Variants in PTPRN2 observed in about 807,000 individuals in gnomAD.
PTPRN2 encodes the protein protein tyrosine phosphatase receptor type N2, also known as receptor-type tyrosine-protein phosphatase N2.
A neutral mutation model predicts 118.8 loss-of-function variants in PTPRN2; 74 were observed. The ratio of observed to expected loss-of-function variants is 0.62; its 90% CI spans 0.52 to 0.76. The LOEUF (loss-of-function observed/expected upper bound fraction) is 0.76. PTPRN2 is among the 30% of genes least tolerant of loss of function. The pLI, the probability that PTPRN2 is intolerant of heterozygous loss-of-function variation, is 0.00. For missense variants in PTPRN2, 1,481 were observed against 1,394.4 expected, an observed-to-expected ratio of 1.06 and a Z score of -0.99; for synonymous variants, 641 against 608.0, an observed-to-expected ratio of 1.05 and a Z score of -0.80.
Position 158,128,798 on chromosome 7 carries a change from G to A in PTPRN2, c.1556+4879C>T, listed in dbSNP as rs369474315. Among the ~76,000 whole-genome samples, 158 of 152,178 alleles carry A rather than the reference G, an allele frequency of 1.0e-3. No homozygotes were observed. In the South Asian group the frequency reaches 0.012, roughly 12 times the overall value. On this transcript the variant is annotated intron_variant, in intron 9 of 22. Coordinates refer to ENST00000389418, the MANE Select transcript of PTPRN2 (RefSeq NM_002847.5). ...GTTCTCTGGGGCACTCTCCTACCCC[G>A]GGGCAGGGATGGGCGGCCGTCCCCC...
At chr7:158,032,490 G>T (rs1807759303) in intron 11 of PTPRN2, among the ~76,000 whole-genome samples, 1 of 152,094 alleles carries the variant, frequency 6.6e-6, no homozygotes, top group Non-Finnish European at 1.5e-5. Context: ...GCAGTGAGTG[G>T]CTCCTCCGCC....
chr7:158,036,524 C>A (rs1808100407), intron 11 of PTPRN2, among the ~76,000 whole-genome samples: 1 of 152,054 alleles, frequency 6.6e-6, no homozygotes, highest in African/African-American at 2.4e-5. Flanking sequence ...AAGGGAATTC[C>A]ATTTCTCAAA....
At chr7:157,892,112 G>T (rs551838395) in intron 12 of PTPRN2, among the ~76,000 whole-genome samples, 1 of 151,256 alleles carries the variant, frequency 6.6e-6, no homozygotes, top group Non-Finnish European at 1.5e-5. Flanking sequence ...CTATCACGAC[G>T]CTTAGAAGCT....
At chr7:158,495,091 G>T (rs1171026937) in intron 1 of PTPRN2, among the ~76,000 whole-genome samples, 1 of 152,012 alleles carries the variant, frequency 6.6e-6, no homozygotes, top group Non-Finnish European at 1.5e-5. Context: ...GCCTGGAGCA[G>T]GTCCTTTGAT....
At chr7:157,882,428 C>CA (rs1260887258) in intron 12 of PTPRN2, among the ~76,000 whole-genome samples, 2 of 151,418 alleles carry the variant, frequency 1.3e-5, no homozygotes, top group Non-Finnish European at 1.5e-5. Flanking sequence ...GAGAACAGAA[C>CA]ACATCACCCC....
intron 2 of PTPRN2, among the ~76,000 whole-genome samples, chr7:158,476,545 G>A (rs575805445): frequency 3.3e-5 from 5 of 152,342 alleles, no homozygotes; most frequent in African/African-American, 4.8e-5. Flanking sequence ...CAGCACAGAC[G>A]CCGCTCGGGA....
chr7:157,772,318 CACAG>C (rs748163873), intron 12 of PTPRN2, among the ~76,000 whole-genome samples: 30 of 151,600 alleles, frequency 2.0e-4, no homozygotes, highest in Admixed American at 3.3e-4. Context: ...CACACATAGA[CACAG>C]ACACACACAT....
chr7:157,896,263 T>C (rs1033821208), intron 12 of PTPRN2, among the ~76,000 whole-genome samples: 16 of 150,898 alleles, frequency 1.1e-4, no homozygotes, highest in Admixed American at 9.9e-4. Context: ...GCTGGGAAGA[T>C]GAAACCCAGA....
At chr7:157,673,951 G>T (rs1298422047) in intron 13 of PTPRN2, among the ~76,000 whole-genome samples, 3 of 152,206 alleles carry the variant, frequency 2.0e-5, no homozygotes, top group African/African-American at 7.2e-5. Flanking sequence ...TGTCCCCGTT[G>T]TTCCAGAATA....
At chr7:158,582,567 A>T (rs80203662) in intron 1 of PTPRN2, among the ~76,000 whole-genome samples, 2,904 of 152,148 alleles carry the variant, frequency 0.019, 86 homozygotes, top group African/African-American at 0.061. Context: ...AAAAAAAAAA[A>T]ATTCATTTTT....
rs569127834 is a variant in PTPRN2, at chr7:158,484,551, C to T, written c.163+5184G>A. On this transcript the variant is annotated intron_variant, in intron 2 of 22. Transcript: ENST00000389418. ...CTAATTTTTGTATTTTTAGTGGAGA[C>T]GGGGTTTCACCATGTTGGCCAGGCT... Among the ~76,000 whole-genome samples, 10 of 152,220 alleles carry T rather than the reference C, an allele frequency of 6.6e-5. No homozygotes were observed. The South Asian group carries it at 1.0e-3, about 16-fold the overall frequency.
In PTPRN2 at chr7:157,881,974, A is replaced by C. The variant is rs1398870932; in HGVS notation, c.1788+16699T>G. On this transcript the variant is annotated intron_variant, in intron 12 of 22. Transcript: ENST00000389418. This position sits in a 1 kb window ranked among gnomAD's most constrained non-coding sequence, Gnocchi z 4.7. ...CCCAAAAATGACTGTCATACATCAGAACATGCCACCCCAAAAACAACTGTC... is the reference window on the plus strand; with the variant it reads ...CCCAAAAATGACTGTCATACATCAGCACATGCCACCCCAAAAACAACTGTC... Among the ~76,000 whole-genome samples the C allele has an allele frequency of 1.3e-5, 2 of 152,074 alleles. No individual in the cohort carries two copies. The highest frequency in any genetic ancestry group is 2.9e-5 in the Non-Finnish European group (2 of 68,004).
chr7:157,788,919 G>A lies in PTPRN2; in HGVS notation c.1789-105982C>T, dbSNP rs116665817. On this transcript the variant is annotated intron_variant, in intron 12 of 22. Coordinates refer to ENST00000389418, the MANE Select transcript of PTPRN2 (RefSeq NM_002847.5). ...TCTCCAATGCTGGGGATAGCTCCCTGGAGCCATCTCCTTTCTCACAGAGGC... is the reference window on the plus strand; with the variant it reads ...TCTCCAATGCTGGGGATAGCTCCCTAGAGCCATCTCCTTTCTCACAGAGGC... Among the ~76,000 whole-genome samples, 1,130 of 152,326 alleles carry A rather than the reference G, an allele frequency of 7.4e-3. 13 individuals carry two copies. The highest frequency in any genetic ancestry group is 0.026 in the African/African-American group (1,071 of 41,566).
At chr7:158,131,049 TAC>T (rs1267084007) in intron 9 of PTPRN2, among the ~76,000 whole-genome samples, 18 of 66,094 alleles carry the variant, frequency 2.7e-4, no homozygotes, top group East Asian at 6.5e-4. Flanking sequence ...CACACGTACA[TAC>T]AGACACCTGC....
intron 11 of PTPRN2, among the ~76,000 whole-genome samples, chr7:157,900,140 T>C (rs544410256): frequency 5.3e-5 from 8 of 152,240 alleles, no homozygotes; most frequent in East Asian, 3.9e-4. Context: ...CCCCAGCCCA[T>C]AGTAATGAGA....
chr7:157,661,689 C>T (rs1191043801), intron 13 of PTPRN2, among the ~76,000 whole-genome samples: 3 of 152,176 alleles, frequency 2.0e-5, no homozygotes, highest in Non-Finnish European at 4.4e-5. Context: ...GTGGGGAAGC[C>T]GGGTCCTGGG....
At chr7:157,852,152 C>G (rs1809325878) in intron 12 of PTPRN2, among the ~76,000 whole-genome samples, 1 of 152,138 alleles carries the variant, frequency 6.6e-6, no homozygotes, top group Admixed American at 6.5e-5. Context: ...CCAACAGAAC[C>G]AAGGAAAGTT....
chr7:158,031,419 T>A (rs1230029170), intron 11 of PTPRN2, among the ~76,000 whole-genome samples: 1 of 152,228 alleles, frequency 6.6e-6, no homozygotes, highest in African/African-American at 2.4e-5. Flanking sequence ...GCCACAGAAA[T>A]GCTCTTAATT....
rs1804190651 is a variant in PTPRN2 at position 157,990,754 on chromosome 7, T to C, written c.1723+90544A>G. 6.6e-6 allele frequency among the ~76,000 whole-genome samples: 1 copy of C among 152,110 alleles called. No homozygotes were observed. The highest frequency in any genetic ancestry group is 1.5e-5 in the Non-Finnish European group (1 of 68,034). On this transcript the variant is annotated intron_variant, in intron 11 of 22. Transcript: ENST00000389418. This position sits in a 1 kb window ranked among gnomAD's most constrained non-coding sequence, Gnocchi z 4.3. ...GCACAAAGCACGTGGACTAGGACAC[T>C]GGAATGTCACCGAGCTTCCCTCCGA... is the stretch of plus-strand genomic sequence containing the variant.
Sources: gnomAD v4.1 joint callset for allele counts (sites outside exome capture counted in the v4.1 genomes callset) on GRCh38, gnomAD v4.1.1 for gene constraint, Gnocchi (gnomAD v3.1) non-coding constraint, MANE v1.5 for transcripts, NCBI Gene and HGNC (gene_info 2026-07-23, HGNC 2026-07-21) for gene names.